The following SPATS2L variants were observed in gnomAD, a reference collection of about 807,000 sequenced individuals.
SPATS2L encodes SPATS2-like protein.
Under a neutral mutation model 59.6 loss-of-function variants are expected in SPATS2L, and 30 were observed. The observed-to-expected ratio is 0.50, with a 90% confidence interval of 0.38 to 0.68. The LOEUF (loss-of-function observed/expected upper bound fraction) is 0.68. SPATS2L is among the 30% of genes least tolerant of loss of function. The pLI is 0.00. For synonymous variants in SPATS2L, 252 were observed against 263.5 expected (o/e 0.96, Z 0.42); for missense variants, 615 against 700.0 (o/e 0.88, Z 1.37).
At chr2:200,369,634 A>G (rs575739029) in intron 2 of SPATS2L, among the ~76,000 whole-genome samples, 1 of 152,076 alleles carries the variant, frequency 6.6e-6, no homozygotes, top group Non-Finnish European at 1.5e-5. Context: ...ATAAGTATAA[A>G]TTAAGTATAA....
intron 6 of SPATS2L, among the ~76,000 whole-genome samples, chr2:200,435,751 A>G (rs989855601): frequency 6.6e-6 from 1 of 152,178 alleles, no homozygotes; most frequent in African/African-American, 2.4e-5. Flanking sequence ...ACTGAAGATC[A>G]AAACTCTCAC....
intron 12 of SPATS2L, among the ~76,000 whole-genome samples, chr2:200,474,234 T>C (rs2087317803): frequency 1.3e-5 from 2 of 152,206 alleles, no homozygotes; most frequent in South Asian, 4.1e-4. Context: ...GAAGTCTTCA[T>C]GAGCTTTAAG....
At chr2:200,319,564 C>CAA (rs56210295) in intron 1 of SPATS2L, among the ~76,000 whole-genome samples, 85 of 50,938 alleles carry the variant, frequency 1.7e-3, no homozygotes, top group African/African-American at 4.9e-3. Context: ...GACCCCACCT[C>CAA]AAAAAAAAAA....
intron 4 of SPATS2L, among the ~76,000 whole-genome samples, chr2:200,413,588 G>A (rs540646577): frequency 6.6e-6 from 1 of 152,282 alleles, no homozygotes; most frequent in African/African-American, 2.4e-5. Context: ...TGTCAAATAA[G>A]GTCAAGGAAG....
intron 3 of SPATS2L, among the ~76,000 whole-genome samples, chr2:200,396,004 C>T (rs1309187126): frequency 3.9e-5 from 2 of 51,086 alleles, no homozygotes; most frequent in African/African-American, 1.8e-4. Context: ...GAGTGAGACT[C>T]GATCTGGAAA....
chr2:200,393,231 C>A (rs2082224323), intron 3 of SPATS2L: 1 of 456,874 alleles, frequency 2.2e-6, no homozygotes, highest in South Asian at 1.5e-5. Context: ...AGACTCATAG[C>A]AATTGATCCC....
intron 6 of SPATS2L, among the ~76,000 whole-genome samples, chr2:200,435,911 TATC>T (rs1368540031): frequency 8.5e-5 from 13 of 152,190 alleles, no homozygotes; most frequent in Middle Eastern, 3.4e-3. Context: ...GTATCAAAAA[TATC>T]ATTTCAACAT....
chr2:200,340,992 C>A (rs566018458), intron 2 of SPATS2L, among the ~76,000 whole-genome samples: 1 of 152,100 alleles, frequency 6.6e-6, no homozygotes, highest in South Asian at 2.1e-4. Flanking sequence ...ATAAGGATAG[C>A]GCTTGTGGCC....
chr2:200,341,605 G>T (rs1344014815), intron 2 of SPATS2L, among the ~76,000 whole-genome samples: 2 of 151,994 alleles, frequency 1.3e-5, no homozygotes, highest in Admixed American at 1.3e-4. Context: ...GAAACCACAG[G>T]AAGACCTCAG....
chr2:200,414,662 A>AC (rs1016009725), intron 4 of SPATS2L, among the ~76,000 whole-genome samples: 2 of 152,168 alleles, frequency 1.3e-5, no homozygotes, highest in Non-Finnish European at 2.9e-5. Context: ...CCATAAAAAA[A>AC]GCCAAACAAC....
intron 3 of SPATS2L, among the ~76,000 whole-genome samples, chr2:200,402,341 A>G (rs1196798142): frequency 6.6e-6 from 1 of 152,156 alleles, no homozygotes; most frequent in African/African-American, 2.4e-5. Context: ...TTTCTTCTCC[A>G]GCATCACCCA....
At chr2:200,440,413 C>T (rs2106106445) in intron 7 of SPATS2L, among the ~76,000 whole-genome samples, 1 of 152,278 alleles carries the variant, frequency 6.6e-6, no homozygotes, top group Non-Finnish European at 1.5e-5. Context: ...CCAAAGAGTG[C>T]AGGAGACAAG....
chr2:200,415,459 A>G (rs2083022820), intron 4 of SPATS2L, among the ~76,000 whole-genome samples: 1 of 152,148 alleles, frequency 6.6e-6, no homozygotes, highest in African/African-American at 2.4e-5. Flanking sequence ...TAAAATTGTT[A>G]AAAGAATATA....
chr2:200,422,296 G>C (rs1227809228), intron 6 of SPATS2L, among the ~76,000 whole-genome samples: 1 of 152,152 alleles, frequency 6.6e-6, no homozygotes, highest in Non-Finnish European at 1.5e-5. Context: ...CAGCGCTTTG[G>C]GAGGCTGAGG....
chr2:200,475,363 C>T (rs1327280314), intron 12 of SPATS2L, among the ~76,000 whole-genome samples: 1 of 152,132 alleles, frequency 6.6e-6, no homozygotes, highest in Non-Finnish European at 1.5e-5. Flanking sequence ...TGGTTTTGTA[C>T]ATTTTAGGGA....
upstream of SPATS2L, chr2:200,305,915 T>C (rs751404774): frequency 7.4e-6 from 2 of 271,954 alleles, no homozygotes; most frequent in Non-Finnish European, 1.1e-5. Flanking sequence ...AGAAGAGTGT[T>C]ATCTAAAGTG....
rs139400604 is a variant in SPATS2L at position 200,329,969 on chromosome 2, C to T, written c.-23+489C>T. 1.2e-4 allele frequency among the ~76,000 whole-genome samples: 18 copies of T among 152,236 alleles called. No homozygotes were observed. The East Asian group carries it at 3.5e-3, about 29-fold the overall frequency. ...TTGCAGAAGTCTGACTTGGAATTGA[C>T]AGTGCTCAGTCAGCATTGAGTGGGA... On this transcript the variant is annotated intron_variant, in intron 2 of 12. Transcript: ENST00000409140.
At chr2:200,428,061 G>A (rs1422583989) in intron 6 of SPATS2L, among the ~76,000 whole-genome samples, 2 of 137,798 alleles carry the variant, frequency 1.5e-5, no homozygotes, top group African/African-American at 5.4e-5. Flanking sequence ...CAGCGAGACC[G>A]TGTCTCAAAA....
intron 6 of SPATS2L, among the ~76,000 whole-genome samples, chr2:200,435,814 G>A (rs923521685): frequency 6.6e-6 from 1 of 152,076 alleles, no homozygotes; most frequent in African/African-American, 2.4e-5. Context: ...CACATAGTAT[G>A]TATATAATTT....
Sources: gnomAD v4.1 joint callset for allele counts (sites outside exome capture counted in the v4.1 genomes callset) on GRCh38, gnomAD v4.1.1 for gene constraint, MANE v1.5 for transcripts, NCBI Gene and HGNC (gene_info 2026-07-23, HGNC 2026-07-21) for gene names.